Variants in GALNT2 observed in about 807,000 individuals in gnomAD.
GALNT2 encodes the protein polypeptide N-acetylgalactosaminyltransferase 2.
GALNT2 carries 31 observed loss-of-function variants against 81.4 expected under a neutral mutation model. The observed-to-expected ratio is 0.38, with a 90% confidence interval of 0.29 to 0.51. GALNT2 has a LOEUF of 0.51. GALNT2 is among the 20% of genes least tolerant of loss of function. The probability of loss-of-function intolerance (pLI) is 0.87; values close to 1 mark genes in which losing one functional copy is unlikely to be tolerated. For missense variants in GALNT2, 629 were observed against 765.7 expected, an observed-to-expected ratio of 0.82 and a Z score of 2.11; for synonymous variants, 303 against 287.4, an observed-to-expected ratio of 1.05 and a Z score of -0.55.
chr1:230,269,980 T>C (rs1026154322), intron 14 of GALNT2, among the ~76,000 whole-genome samples: 2 of 151,960 alleles, frequency 1.3e-5, no homozygotes, highest in Admixed American at 1.3e-4. Context: ...GGTGGGTGAA[T>C]CACGAGGTCT....
intron 1 of GALNT2, among the ~76,000 whole-genome samples, chr1:230,137,541 T>C (rs1661589178): frequency 6.6e-6 from 1 of 152,246 alleles, no homozygotes; most frequent in Admixed American, 6.5e-5. Context: ...GGAATTATTT[T>C]CTCTTCAAGG....
At chr1:230,116,298 C>T (rs1367977178) in intron 1 of GALNT2, among the ~76,000 whole-genome samples, 5 of 152,046 alleles carry the variant, frequency 3.3e-5, no homozygotes, top group South Asian at 2.1e-4. Flanking sequence ...GGCACGATCT[C>T]GGCTCACTGC....
intron 10 of GALNT2, among the ~76,000 whole-genome samples, chr1:230,252,752 G>A (rs1234869107): frequency 6.6e-6 from 1 of 151,740 alleles, no homozygotes; most frequent in Non-Finnish European, 1.5e-5. Flanking sequence ...TCCCCATAGA[G>A]AAGCCAAGGG....
At chr1:230,073,653 CAT>C (rs1310070986) in intron 1 of GALNT2, among the ~76,000 whole-genome samples, 8 of 152,232 alleles carry the variant, frequency 5.3e-5, no homozygotes, top group African/African-American at 1.9e-4. Flanking sequence ...GAGTCTCACT[CAT>C]AGGCTTACAT....
intron 1 of GALNT2, among the ~76,000 whole-genome samples, chr1:230,060,382 A>C (rs1391322117): frequency 6.6e-6 from 1 of 152,176 alleles, no homozygotes; most frequent in Non-Finnish European, 1.5e-5. Context: ...GCCAGAATAC[A>C]AAAACCATGA....
intron 10 of GALNT2, among the ~76,000 whole-genome samples, chr1:230,254,104 C>A (rs74873378): frequency 6.6e-6 from 1 of 152,096 alleles, no homozygotes; most frequent in African/African-American, 2.4e-5. Context: ...TAAAGAAAAA[C>A]TGTTTTTTGC....
intron 10 of GALNT2, among the ~76,000 whole-genome samples, 160 bp downstream of exon 10, chr1:230,250,720 G>A (rs1665519288): frequency 6.6e-6 from 1 of 152,218 alleles, no homozygotes; most frequent in Non-Finnish European, 1.5e-5. Context: ...GCTCTTGAAA[G>A]TCTCATGAGT....
At chr1:230,077,115 A>G (rs1195903613) in intron 1 of GALNT2, among the ~76,000 whole-genome samples, 1 of 151,942 alleles carries the variant, frequency 6.6e-6, no homozygotes, top group African/African-American at 2.4e-5. Context: ...ACTGTTGGGT[A>G]GGGGCATTTG....
At chr1:230,276,729 A>C (rs921417757) in intron 15 of GALNT2, among the ~76,000 whole-genome samples, 2 of 152,194 alleles carry the variant, frequency 1.3e-5, no homozygotes, top group African/African-American at 4.8e-5. Context: ...CCGCATCTCT[A>C]AATGTCCATC....
At chr1:230,236,327 A>C (rs201252649) in intron 4 of GALNT2, 26 bp from the exon 5 acceptor site, 2 of 1,609,708 alleles carry the variant, frequency 1.2e-6, no homozygotes, top group Non-Finnish European at 1.7e-6. Flanking sequence ...AAGACCTATA[A>C]ACTTTATCTT....
intron 1 of GALNT2, among the ~76,000 whole-genome samples, chr1:230,112,639 C>G (rs983253140): frequency 3.3e-5 from 5 of 152,070 alleles, no homozygotes; most frequent in African/African-American, 7.2e-5. Context: ...TAAACAGAGG[C>G]CTTTTCTCTT....
At position 230,112,223 on chromosome 1, in the gene GALNT2, G is replaced by A. The variant is rs148121438; in HGVS notation, c.126+44817G>A. ...CCAGGACTCATGTGTCTACCTGTGGGTCTAATCTCCTAGCATAGGCTGAGC... is the reference window on the plus strand; with the variant it reads ...CCAGGACTCATGTGTCTACCTGTGGATCTAATCTCCTAGCATAGGCTGAGC... On this transcript the variant is annotated intron_variant, in intron 1 of 15. Coordinates refer to ENST00000366672, the MANE Select transcript of GALNT2 (RefSeq NM_004481.5). Among the ~76,000 whole-genome samples, 561 of 152,316 alleles carry A rather than the reference G, an allele frequency of 3.7e-3. 3 individuals are homozygous for A. Among genetic ancestry groups the A allele is most frequent in the Non-Finnish European group, 6.5e-3 (445 of 68,030 alleles).
At chr1:230,132,492 T>C (rs945009587) in intron 1 of GALNT2, among the ~76,000 whole-genome samples, 3 of 152,122 alleles carry the variant, frequency 2.0e-5, no homozygotes, top group Non-Finnish European at 4.4e-5. Flanking sequence ...CCCCCTCTAG[T>C]TGGGTCTGTC....
chr1:230,213,741 G>A (rs1299848923), intron 3 of GALNT2, among the ~76,000 whole-genome samples: 2 of 152,060 alleles, frequency 1.3e-5, no homozygotes, highest in Non-Finnish European at 2.9e-5. Context: ...TTTCTTCTCT[G>A]TTGGTTTGCT....
chr1:230,136,066 CAGG>C (rs1282336276), intron 1 of GALNT2, among the ~76,000 whole-genome samples: 1 of 152,088 alleles, frequency 6.6e-6, no homozygotes, highest in Admixed American at 6.5e-5. Flanking sequence ...GGAGCGTTGT[CAGG>C]AGAATTGAAT....
At chr1:230,180,043 C>A (rs917866151) in intron 2 of GALNT2, among the ~76,000 whole-genome samples, 9 of 152,164 alleles carry the variant, frequency 5.9e-5, no homozygotes, top group Non-Finnish European at 1.3e-4. Context: ...TTTAAGCCTC[C>A]CAGTAGCTGG....
chr1:230,142,269 C>T (rs1025210774), intron 1 of GALNT2, among the ~76,000 whole-genome samples: 6 of 152,242 alleles, frequency 3.9e-5, no homozygotes, highest in Non-Finnish European at 5.9e-5. Flanking sequence ...TCCATCCACC[C>T]GGCCACTTCT....
chr1:230,254,698 G>A (rs893488036), intron 10 of GALNT2, among the ~76,000 whole-genome samples: 1 of 152,176 alleles, frequency 6.6e-6, no homozygotes, highest in Non-Finnish European at 1.5e-5. Flanking sequence ...GAGAAAGATG[G>A]CATATATGGT....
chr1:230,235,868 A>G (rs1231262491), intron 3 of GALNT2, 146 bp from the exon 4 acceptor site: 7 of 666,044 alleles, frequency 1.1e-5, no homozygotes, highest in Non-Finnish European at 1.8e-5. Context: ...AGTTCATCTC[A>G]GAACAGGCCA....
Sources: gnomAD v4.1 joint callset for allele counts (sites outside exome capture counted in the v4.1 genomes callset) on GRCh38, gnomAD v4.1.1 for gene constraint, MANE v1.5 for transcripts, NCBI Gene and HGNC (gene_info 2026-07-23, HGNC 2026-07-21) for gene names.